The following TTC17 variants were observed in gnomAD, a reference collection of about 807,000 sequenced individuals.
TTC17 encodes the protein tetratricopeptide repeat domain 17.
Under a neutral mutation model 143.8 loss-of-function variants are expected in TTC17, and 58 were observed. The ratio of observed to expected loss-of-function variants is 0.40; its 90% CI spans 0.33 to 0.50. TTC17 has a LOEUF of 0.50. TTC17 is among the 20% of genes least tolerant of loss of function. TTC17 has a pLI of 0.49. For missense variants in TTC17, 1,273 were observed against 1,392.5 expected, an observed-to-expected ratio of 0.91 and a Z score of 1.37; for synonymous variants, 501 against 497.8, an observed-to-expected ratio of 1.01 and a Z score of -0.09.
chr11:43,451,097 T>C (rs139031279), intron 20 of TTC17, 85 bp from the exon 21 acceptor site: 1 of 1,324,560 alleles, frequency 7.5e-7, no homozygotes, highest in East Asian at 2.4e-5. Context: ...GCCTCTGTGG[T>C]ACAGTGCCCA....
chr11:43,441,114 C>CAAAAAAAA (rs1947408594), intron 16 of TTC17, among the ~76,000 whole-genome samples: 1 of 121,096 alleles, frequency 8.3e-6, no homozygotes, highest in African/African-American at 6.4e-5. Flanking sequence ...TACAAAAATA[C>CAAAAAAAA]AAAAAAAGTA....
At chr11:43,383,875 T>C (rs1300831395) in intron 2 of TTC17, among the ~76,000 whole-genome samples, 1 of 151,908 alleles carries the variant, frequency 6.6e-6, no homozygotes, top group Non-Finnish European at 1.5e-5. Flanking sequence ...ACTAAAATAA[T>C]AGACATGCAG....
At chr11:43,451,655 T>C (rs1947659617) in intron 21 of TTC17, among the ~76,000 whole-genome samples, 2 of 152,230 alleles carry the variant, frequency 1.3e-5, no homozygotes, top group South Asian at 4.1e-4. Flanking sequence ...GTCTTTTCTC[T>C]TGAAATCATG....
intron 18 of TTC17, among the ~76,000 whole-genome samples, chr11:43,444,803 C>G (rs1376816940): frequency 6.6e-6 from 1 of 151,516 alleles, no homozygotes; most frequent in Non-Finnish European, 1.5e-5. Flanking sequence ...CATCAGCAAT[C>G]AGAGGAGCGC....
intron 19 of TTC17, 134 bp downstream of exon 19, chr11:43,448,256 C>A: frequency 7.6e-7 from 1 of 1,319,380 alleles, no homozygotes; most frequent in Non-Finnish European, 1.0e-6. Flanking sequence ...GATGACCATG[C>A]TGACCATGGC....
Position 43,389,625 on chromosome 11 carries a change from A to C in TTC17, c.250-27A>C, listed in dbSNP as rs576754366. Reference sequence around the variant, plus strand: ...TTAGACTAAAATATTAGAAGAATCCATTCTGTTCTTACTTTCTTCTCAACA... The same window carrying C: ...TTAGACTAAAATATTAGAAGAATCCCTTCTGTTCTTACTTTCTTCTCAACA... On this transcript the variant is annotated intron_variant, in intron 2 of 23. Transcript: ENST00000039989. 1.1e-5 allele frequency: 18 copies of C among 1,584,960 alleles called. No homozygotes were observed. In the East Asian group the frequency reaches 3.9e-4, roughly 34 times the overall value.
At chr11:43,425,322 GA>G (rs200325712) in intron 16 of TTC17, among the ~76,000 whole-genome samples, 12 of 150,714 alleles carry the variant, frequency 8.0e-5, no homozygotes, top group African/African-American at 1.2e-4. Flanking sequence ...CCTGTCTCTT[GA>G]AAAAAAAAAT....
chr11:43,409,565 C>T (rs1858307571), intron 15 of TTC17, among the ~76,000 whole-genome samples: 1 of 152,098 alleles, frequency 6.6e-6, no homozygotes, highest in African/African-American at 2.4e-5. Context: ...TAATTTAATC[C>T]TCATAACAAC....
intron 20 of TTC17, among the ~76,000 whole-genome samples, chr11:43,450,640 A>G (rs1947640341): frequency 6.6e-6 from 1 of 152,242 alleles, no homozygotes; most frequent in Non-Finnish European, 1.5e-5. Context: ...CATCACAAGT[A>G]TCCAACAGTA....
chr11:43,443,968 A>G, intron 17 of TTC17, 88 bp from the exon 18 acceptor site: 1 of 1,429,900 alleles, frequency 7.0e-7, no homozygotes, highest in Non-Finnish European at 9.4e-7. Context: ...TGAGCACAGT[A>G]CTTGGTTATT....
intron 21 of TTC17, among the ~76,000 whole-genome samples, chr11:43,477,685 G>A (rs1231584298): frequency 6.6e-6 from 1 of 152,126 alleles, no homozygotes; most frequent in African/African-American, 2.4e-5. Flanking sequence ...CCCACAACAC[G>A]TGGGAATTCT....
intron 1 of TTC17, among the ~76,000 whole-genome samples, chr11:43,360,203 A>G (rs144680048): frequency 6.6e-6 from 1 of 152,314 alleles, no homozygotes; most frequent in East Asian, 1.9e-4. Context: ...GTAATTGCAA[A>G]TTCTATCTCA....
chr11:43,386,576 A>G (rs1245592322), intron 2 of TTC17, among the ~76,000 whole-genome samples: 26 of 152,222 alleles, frequency 1.7e-4, no homozygotes, highest in Admixed American at 1.7e-3. Context: ...GATTTCTTAA[A>G]TAAAACAAAG....
At chr11:43,412,226 G>A (rs1442034919) in intron 15 of TTC17, among the ~76,000 whole-genome samples, 1 of 152,158 alleles carries the variant, frequency 6.6e-6, no homozygotes, top group Non-Finnish European at 1.5e-5. Flanking sequence ...GCTCACACCT[G>A]TGATCTCAGC....
intron 17 of TTC17, 66 bp downstream of exon 17, chr11:43,443,650 A>G (rs1947474102): frequency 1.3e-6 from 2 of 1,535,878 alleles, no homozygotes; most frequent in African/African-American, 2.8e-5. Context: ...CTAATATGCA[A>G]AGTGGGAAGT....
chr11:43,465,243 T>C (rs1187823001), intron 21 of TTC17, among the ~76,000 whole-genome samples: 2 of 152,214 alleles, frequency 1.3e-5, no homozygotes, highest in Non-Finnish European at 2.9e-5. Context: ...AGCTAAAGAA[T>C]GTATGAATGC....
intron 1 of TTC17, among the ~76,000 whole-genome samples, chr11:43,364,100 A>C (rs937166432): frequency 6.7e-5 from 8 of 118,818 alleles, no homozygotes; most frequent in African/African-American, 2.7e-4. Context: ...CTTATCACCC[A>C]GGCTGGAGTG....
At chr11:43,390,678 GAAAA>G (rs1278112420) in intron 3 of TTC17, among the ~76,000 whole-genome samples, 1 of 149,972 alleles carries the variant, frequency 6.7e-6, no homozygotes, top group African/African-American at 2.4e-5. Context: ...ATAAAAAAGA[GAAAA>G]AAATAAAATT....
At position 43,379,341 on chromosome 11, in the gene TTC17, T is replaced by C; in HGVS notation, c.249+19T>C. 1 of 1,597,420 alleles carries C rather than the reference T, an allele frequency of 6.3e-7. No individual in the cohort carries two copies. The highest frequency in any genetic ancestry group is 8.6e-7 in the Non-Finnish European group (1 of 1,168,336). ...ATTAGAGGTGAGGCAACTGGGCATG[T>C]GAGATGCAGCTGATGCTTGTTGCAT... On this transcript the variant is annotated intron_variant, in intron 2 of 23. Coordinates refer to ENST00000039989, the MANE Select transcript of TTC17 (RefSeq NM_018259.6).
Sources: gnomAD v4.1 joint callset for allele counts (sites outside exome capture counted in the v4.1 genomes callset) on GRCh38, gnomAD v4.1.1 for gene constraint, MANE v1.5 for transcripts, NCBI Gene and HGNC (gene_info 2026-07-23, HGNC 2026-07-21) for gene names.